The following TRHDE variants were observed in gnomAD, a reference collection of about 807,000 sequenced individuals.
The protein encoded by TRHDE is thyrotropin releasing hormone degrading enzyme, also known as thyrotropin-releasing hormone-degrading ectoenzyme.
TRHDE carries 72 observed loss-of-function variants against 125.7 expected under a neutral mutation model. The observed-to-expected ratio is 0.57, with a 90% confidence interval of 0.47 to 0.70. The LOEUF (loss-of-function observed/expected upper bound fraction) is 0.70, where lower values mean the gene tolerates loss of function less well. TRHDE is among the 30% of genes least tolerant of loss of function. The probability of loss-of-function intolerance (pLI) is 0.00; values close to 1 mark genes in which losing one functional copy is unlikely to be tolerated. For synonymous variants in TRHDE, 509 were observed against 509.1 expected (o/e 1.00, Z 0.00); for missense variants, 1,110 against 1,327.1 (o/e 0.84, Z 2.54).
intron 12 of TRHDE, among the ~76,000 whole-genome samples, chr12:72,596,087 C>T (rs1269289237): frequency 6.6e-6 from 1 of 152,094 alleles, no homozygotes; most frequent in Non-Finnish European, 1.5e-5. Context: ...CAGTTTTCAT[C>T]TTCATTCATC....
chr12:72,211,336 G>T (rs1877776760), intron 2 of TRHDE, among the ~76,000 whole-genome samples: 1 of 152,142 alleles, frequency 6.6e-6, no homozygotes. Context: ...GTAACAGATG[G>T]AAAAATATAT....
intron 3 of TRHDE, among the ~76,000 whole-genome samples, chr12:72,425,598 G>A (rs1475706092): frequency 6.6e-6 from 1 of 151,962 alleles, no homozygotes; most frequent in East Asian, 1.9e-4. Context: ...CAGGATTGAA[G>A]ATAAGTGGAA....
chr12:72,175,005 A>T (rs1876956528), intron 2 of TRHDE, among the ~76,000 whole-genome samples: 1 of 151,942 alleles, frequency 6.6e-6, no homozygotes, highest in South Asian at 2.1e-4. Flanking sequence ...TGGTAAGAAC[A>T]CAACCTGAGA....
In TRHDE at chr12:72,597,751, ATATATATG is replaced by A. The variant is rs1317190358; in HGVS notation, c.2322-21139_2322-21132del. Among the ~76,000 whole-genome samples, 74 of 9,660 alleles carry A rather than the reference ATATATATG, an allele frequency of 7.7e-3. 2 individuals are homozygous for A. The highest frequency in any genetic ancestry group is 0.026 in the Admixed American group (14 of 530). 6.3% of individuals were successfully genotyped at this position (9,660 alleles called of 152,430 possible). On this transcript the variant is annotated intron_variant, in intron 12 of 18. Coordinates refer to ENST00000261180, the MANE Select transcript of TRHDE (RefSeq NM_013381.3). ...TATATATATATATATATATATATAT[ATATATATG>A]CATACACACACAAATACATATGTAT... is the stretch of plus-strand genomic sequence containing the variant.
chr12:72,160,041 C>T (rs141099157), intron 2 of TRHDE, among the ~76,000 whole-genome samples: 105 of 152,242 alleles, frequency 6.9e-4, no homozygotes, highest in African/African-American at 2.4e-3. Context: ...ACCATTCATG[C>T]CATGCTTTTA....
chr12:72,639,726 G>A (rs1873951095), intron 15 of TRHDE, among the ~76,000 whole-genome samples: 1 of 152,024 alleles, frequency 6.6e-6, no homozygotes, highest in South Asian at 2.1e-4. Context: ...TAACAGACAG[G>A]ACCCTCAGCT....
intron 2 of TRHDE, among the ~76,000 whole-genome samples, chr12:72,230,494 C>G (rs1220131676): frequency 6.6e-6 from 1 of 152,120 alleles, no homozygotes; most frequent in Non-Finnish European, 1.5e-5. Context: ...TTCACTCTGT[C>G]AAATAAAAGC....
intron 3 of TRHDE, among the ~76,000 whole-genome samples, chr12:72,466,826 C>T (rs889321331): frequency 2.0e-5 from 3 of 152,136 alleles, no homozygotes; most frequent in Non-Finnish European, 2.9e-5. Flanking sequence ...CCCACCCCAT[C>T]GATCAATCAC....
At position 72,652,082 on chromosome 12, in the gene TRHDE, CAA is replaced by C. The variant is rs567676584; in HGVS notation, c.2676-239_2676-238del. Among the ~76,000 whole-genome samples, 116 of 151,780 alleles carry C rather than the reference CAA, an allele frequency of 7.6e-4. 1 individual carries two copies. The highest frequency in any genetic ancestry group is 2.7e-3 in the African/African-American group (113 of 41,420). On this transcript the variant is annotated intron_variant, in intron 15 of 18. Coordinates refer to ENST00000261180, the MANE Select transcript of TRHDE (RefSeq NM_013381.3). ...GTTACTATTTTTGTTTAAGTATAGT[CAA>C]GAGTGGAAATAATAATTATGTTCAA...
chr12:72,620,566 T>C (rs917379933), intron 13 of TRHDE, among the ~76,000 whole-genome samples: 1 of 152,002 alleles, frequency 6.6e-6, no homozygotes, highest in African/African-American at 2.4e-5. Context: ...CTTACCTTGA[T>C]ACTGACACTT....
rs575901973 is a variant in TRHDE, at chr12:72,352,767, A to G, written c.1189-25228A>G. On this transcript the variant is annotated intron_variant, in intron 2 of 18. Coordinates refer to ENST00000261180, the MANE Select transcript of TRHDE (RefSeq NM_013381.3). ...TTGAGGGTTTTCTGTGTGGTTTTAT[A>G]AATGATTGCTAAGAATTCTATTAAC... Among the ~76,000 whole-genome samples the G allele has an allele frequency of 1.1e-3, 164 of 151,802 alleles. 1 individual carries two copies. Among genetic ancestry groups the G allele is most frequent in the African/African-American group, 3.6e-3 (151 of 41,498 alleles).
intron 2 of TRHDE, among the ~76,000 whole-genome samples, chr12:72,307,420 C>G (rs1424905210): frequency 6.6e-6 from 1 of 151,510 alleles, no homozygotes; most frequent in Non-Finnish European, 1.5e-5. Flanking sequence ...AGTGGATCCA[C>G]CCGCCTCCCA....
chr12:72,207,978 T>C (rs1411168623), intron 2 of TRHDE, among the ~76,000 whole-genome samples: 1 of 152,226 alleles, frequency 6.6e-6, no homozygotes, highest in Non-Finnish European at 1.5e-5. Flanking sequence ...GTCTCAGCAC[T>C]GTCGCTGGTG....
At chr12:72,262,305 T>C (rs3803030) in intron 2 of TRHDE, among the ~76,000 whole-genome samples, 68,200 of 152,058 alleles carry the variant, frequency 0.45, 18,888 homozygotes, top group African/African-American at 0.8. Context: ...ATTATTTGCA[T>C]ATCCTAGAGG....
At chr12:72,520,999 C>G (rs1879167799) in intron 6 of TRHDE, among the ~76,000 whole-genome samples, 1 of 152,032 alleles carries the variant, frequency 6.6e-6, no homozygotes, top group Non-Finnish European at 1.5e-5. Context: ...ATTATTTGGC[C>G]CAGACTCATA....
At chr12:72,133,436 A>C (rs937488463) in intron 2 of TRHDE, among the ~76,000 whole-genome samples, 8 of 152,190 alleles carry the variant, frequency 5.3e-5, no homozygotes, top group African/African-American at 1.9e-4. Context: ...CAAGAAGAGC[A>C]GGTTTGGAAG....
chr12:72,605,276 T>C (rs1872390188), intron 12 of TRHDE, among the ~76,000 whole-genome samples: 1 of 152,124 alleles, frequency 6.6e-6, no homozygotes, highest in African/African-American at 2.4e-5. Context: ...ATTAAAAATT[T>C]CCTTAAATAA....
intron 2 of TRHDE, chr12:72,167,792 C>G (rs965578266): frequency 6.6e-6 from 1 of 152,202 alleles, no homozygotes; most frequent in African/African-American, 2.4e-5. Flanking sequence ...GGAATCACAT[C>G]TCTCAGAATT....
chr12:72,607,545 G>A (rs950918931), intron 12 of TRHDE, among the ~76,000 whole-genome samples: 3 of 151,834 alleles, frequency 2.0e-5, no homozygotes, highest in Admixed American at 2.0e-4. Flanking sequence ...AATCCTTGAT[G>A]GTTTTCTTTA....
Sources: gnomAD v4.1 joint callset for allele counts (sites outside exome capture counted in the v4.1 genomes callset) on GRCh38, gnomAD v4.1.1 for gene constraint, MANE v1.5 for transcripts, NCBI Gene and HGNC (gene_info 2026-07-23, HGNC 2026-07-21) for gene names.